The following LRP1B variants were observed in gnomAD, a reference collection of about 807,000 sequenced individuals.
The protein encoded by LRP1B is low-density lipoprotein receptor-related protein 1B.
A neutral mutation model predicts 556.6 loss-of-function variants in LRP1B; 217 were observed. The ratio of observed to expected loss-of-function variants is 0.39; its 90% CI spans 0.35 to 0.44. LRP1B has a LOEUF of 0.44. Ranked by LOEUF, LRP1B falls within the 20% of genes least tolerant of loss-of-function variation. The pLI, the probability that LRP1B is intolerant of heterozygous loss-of-function variation, is 1.00. For missense variants in LRP1B, 5,053 were observed against 5,620.8 expected (o/e 0.90, Z 3.23); for synonymous variants, 2,047 against 1,865.8 (o/e 1.10, Z -2.50).
intron 21 of LRP1B, among the ~76,000 whole-genome samples, chr2:140,920,547 G>GA (rs1352631647): frequency 6.6e-6 from 1 of 151,936 alleles, no homozygotes; most frequent in Non-Finnish European, 1.5e-5. Flanking sequence ...TAAAGTAAAT[G>GA]AAAAAATATC....
At chr2:141,772,143 G>A (rs919514264) in intron 2 of LRP1B, among the ~76,000 whole-genome samples, 1 of 152,048 alleles carries the variant, frequency 6.6e-6, no homozygotes. Context: ...ATACAATGAA[G>A]ACAGCTGTCA....
Position 140,237,105 on chromosome 2 carries a change from C to T in LRP1B, c.13560+1047G>A, listed in dbSNP as rs1680743346. ...ACCATCACCTAACTGTGCAACAGAA[C>T]ACCAAAACCCATTCCTCTTATCTGA... On this transcript the variant is annotated intron_variant, in intron 89 of 90. Transcript: ENST00000389484. 2.0e-5 allele frequency among the ~76,000 whole-genome samples: 3 copies of T among 150,992 alleles called. No individual in the cohort carries two copies. The South Asian group carries it at 6.2e-4, about 31-fold the overall frequency.
At chr2:141,240,135 T>A (rs929584546) in intron 5 of LRP1B, among the ~76,000 whole-genome samples, 1 of 152,058 alleles carries the variant, frequency 6.6e-6, no homozygotes, top group Non-Finnish European at 1.5e-5. Context: ...ATGAAATCAA[T>A]GCAACAGGTT....
At chr2:142,021,678 C>A (rs1270928028) in intron 1 of LRP1B, among the ~76,000 whole-genome samples, 2 of 151,816 alleles carry the variant, frequency 1.3e-5, no homozygotes, top group Non-Finnish European at 2.9e-5. Context: ...ATATAATTTA[C>A]CCATAAAAAT....
chr2:141,270,590 G>A (rs528441549), intron 3 of LRP1B, among the ~76,000 whole-genome samples: 13 of 152,100 alleles, frequency 8.5e-5, no homozygotes, highest in African/African-American at 3.1e-4. Context: ...CATAAAGTGG[G>A]ACATTATGCA....
chr2:142,019,307 G>A (rs1703254582), intron 1 of LRP1B, among the ~76,000 whole-genome samples: 1 of 152,138 alleles, frequency 6.6e-6, no homozygotes, highest in Non-Finnish European at 1.5e-5. Context: ...CAGTAGTTTA[G>A]TGTTGGAAGG....
At chr2:141,442,076 T>C (rs889122247) in intron 3 of LRP1B, among the ~76,000 whole-genome samples, 1 of 152,220 alleles carries the variant, frequency 6.6e-6, no homozygotes, top group African/African-American at 2.4e-5. Flanking sequence ...TTGTCTATAC[T>C]GTTACGGTTT....
intron 1 of LRP1B, among the ~76,000 whole-genome samples, chr2:142,095,095 C>CAA (rs1040822188): frequency 1.3e-5 from 2 of 149,062 alleles, no homozygotes; most frequent in Admixed American, 6.7e-5. Flanking sequence ...TTTCTGTTCA[C>CAA]AGAGAGCAAC....
chr2:141,731,025 G>C (rs937370013), intron 2 of LRP1B, among the ~76,000 whole-genome samples: 3 of 152,150 alleles, frequency 2.0e-5, no homozygotes, highest in Admixed American at 6.6e-5. Context: ...CTCCCAACGG[G>C]GGGTGTGGGG....
At chr2:140,420,391 G>A (rs1685386325) in intron 66 of LRP1B, among the ~76,000 whole-genome samples, 1 of 152,108 alleles carries the variant, frequency 6.6e-6, no homozygotes, top group Non-Finnish European at 1.5e-5. Flanking sequence ...TTGTTCCCAA[G>A]GATGTGTAGG....
intron 31 of LRP1B, among the ~76,000 whole-genome samples, chr2:140,827,028 C>G (rs1691532546): frequency 6.6e-6 from 1 of 152,150 alleles, no homozygotes; most frequent in South Asian, 2.1e-4. Context: ...CAGAAGTGTT[C>G]TGAACACCTG....
intron 17 of LRP1B, among the ~76,000 whole-genome samples, chr2:140,984,390 G>A (rs1696860078): frequency 6.7e-6 from 1 of 149,418 alleles, no homozygotes; most frequent in Non-Finnish European, 1.5e-5. Context: ...CTATATTCTT[G>A]CTTTATATAA....
At chr2:141,877,276 T>A (rs1698798871) in intron 1 of LRP1B, among the ~76,000 whole-genome samples, 1 of 151,912 alleles carries the variant, frequency 6.6e-6, no homozygotes, top group African/African-American at 2.4e-5. Flanking sequence ...GCAAAGACAA[T>A]TAACTGCCCA....
intron 14 of LRP1B, among the ~76,000 whole-genome samples, chr2:141,007,004 G>T (rs1316224390): frequency 6.6e-6 from 1 of 151,902 alleles, no homozygotes; most frequent in African/African-American, 2.4e-5. Context: ...AATAGGTAAT[G>T]TAATTGTAGG....
intron 86 of LRP1B, among the ~76,000 whole-genome samples, chr2:140,253,407 AAATT>A (rs1383650901): frequency 1.3e-5 from 2 of 152,110 alleles, no homozygotes; most frequent in African/African-American, 4.8e-5. Context: ...GAAAGAAATA[AAATT>A]AATAAAATGG....
chr2:141,610,332 A>ACTTTAAAACTTAAAGT (rs1188689683), intron 2 of LRP1B, among the ~76,000 whole-genome samples: 5 of 151,304 alleles, frequency 3.3e-5, no homozygotes, highest in African/African-American at 7.3e-5. Flanking sequence ...TAATAATAAT[A>ACTTTAAAACTTAAAGT]ATAATAATAA....
chr2:140,303,336 C>A (rs1253424066), intron 83 of LRP1B, among the ~76,000 whole-genome samples: 1 of 152,010 alleles, frequency 6.6e-6, no homozygotes, highest in African/African-American at 2.4e-5. Context: ...CAACCTCCGC[C>A]TCCCGGGTTC....
At chr2:140,487,493 G>A in intron 58 of LRP1B, 124 bp downstream of exon 58, 1 of 825,022 alleles carries the variant, frequency 1.2e-6, no homozygotes, top group Middle Eastern at 3.7e-4. Flanking sequence ...CTATACAAAT[G>A]TGAAATTGAA....
In LRP1B at chr2:140,358,850, C is replaced by A. The variant is rs944004282; in HGVS notation, c.11228G>T (p.Gly3743Val). The A allele has an allele frequency of 6.2e-7, 1 of 1,608,916 alleles. No individual in the cohort carries two copies. The highest frequency in any genetic ancestry group is 1.3e-5 in the African/African-American group (1 of 74,766). The change falls in exon 73 of 91, where the codon GGT becomes GTT. Residue 3743 changes from glycine (G) to valine (V), a missense_variant. By Grantham distance (109) the Gly-to-Val change is moderately radical. This residue lies in a region of LRP1B where 599 missense variants were observed against 648.4 expected (regional missense o/e 0.92). Coordinates refer to ENST00000389484, the MANE Select transcript of LRP1B (RefSeq NM_018557.3). ...EQMCNGIDECGDNSDEDHCGG... is the reference protein window; with the variant it reads ...EQMCNGIDECVDNSDEDHCGG... ...ACAGTGATCTTCATCTGAATTGTCACCGCATTCATCAATCCCATTGCACAT... is the reference window on the plus strand; with the variant it reads ...ACAGTGATCTTCATCTGAATTGTCAACGCATTCATCAATCCCATTGCACAT...
Sources: allele counts gnomAD v4.1 joint callset (sites outside exome capture counted in the v4.1 genomes callset), GRCh38; gene constraint gnomAD v4.1.1; regional missense constraint gnomAD v4.1.1; transcripts MANE v1.5; gene names NCBI Gene and HGNC (gene_info 2026-07-23, HGNC 2026-07-21).